CENPP: variants seen among roughly 807,000 people sequenced by gnomAD.
The protein encoded by CENPP is centromere protein P.
In CENPP, 24 loss-of-function variants were observed where a neutral mutation model predicts 35.6. The ratio of observed to expected loss-of-function variants is 0.67; its 90% CI spans 0.49 to 0.95. The LOEUF is 0.95. Ranked by LOEUF, CENPP falls within the 40% of genes least tolerant of loss-of-function variation. The probability of loss-of-function intolerance (pLI) is 0.00; values close to 1 mark genes in which losing one functional copy is unlikely to be tolerated. For synonymous variants in CENPP, 120 were observed against 125.5 expected (o/e 0.96, Z 0.29); for missense variants, 332 against 345.3 (o/e 0.96, Z 0.31).
At chr9:92,457,120 G>T in intron 5 of CENPP, 4 of 1,406,480 alleles carry the variant, frequency 2.8e-6, no homozygotes, top group Admixed American at 6.3e-5. Flanking sequence ...CAATAGTTTG[G>T]CAAAATTCCG....
chr9:92,417,003 C>T, intron 5 of CENPP: 2 of 1,614,014 alleles, frequency 1.2e-6, no homozygotes, highest in Non-Finnish European at 1.7e-6. Context: ...GTCAAGTTTA[C>T]TAGCCCATCC....
Position 92,612,583 on chromosome 9 carries a change from G to T in CENPP, c.705G>T (p.Lys235Asn). ...ATGAAGATGGGAAGGTTTTTCCAAA[G>T]CTGGATCTTCTCACCAAAGTCCCAC... ...QIDEDGKVFP[K>N]LDLLTKVPQR... The change falls in exon 7 of 8, where the codon AAG becomes AAT. Residue 235 changes from lysine (K) to asparagine (N), a missense_variant. By Grantham distance (94) the Lys-to-Asn change is moderately conservative (BLOSUM62 0). Coordinates refer to ENST00000375587, the MANE Select transcript of CENPP (RefSeq NM_001012267.3). 4 of 1,614,146 alleles carry T rather than the reference G, an allele frequency of 2.5e-6. No individual in the cohort carries two copies. The highest frequency in any genetic ancestry group is 3.4e-6 in the Non-Finnish European group (4 of 1,179,990).
At chr9:92,368,362 A>G (rs914298558) in intron 4 of CENPP, among the ~76,000 whole-genome samples, 1 of 152,236 alleles carries the variant, frequency 6.6e-6, no homozygotes, top group Non-Finnish European at 1.5e-5. Flanking sequence ...TCAAAATCTG[A>G]AACGCTTCTG....
At chr9:92,366,873 C>G (rs1211872177) in intron 4 of CENPP, among the ~76,000 whole-genome samples, 1 of 152,188 alleles carries the variant, frequency 6.6e-6, no homozygotes, top group Non-Finnish European at 1.5e-5. Context: ...CATCCATAAT[C>G]TGAAATCCAA....
intron 3 of CENPP, among the ~76,000 whole-genome samples, chr9:92,344,840 G>A (rs945594285): frequency 6.7e-6 from 1 of 149,252 alleles, no homozygotes. Context: ...GAGCCACCGC[G>A]CCCGGCCAGT....
At chr9:92,578,900 T>C (rs1204459591) in intron 5 of CENPP, among the ~76,000 whole-genome samples, 4 of 152,304 alleles carry the variant, frequency 2.6e-5, no homozygotes, top group East Asian at 3.9e-4. Context: ...AATGGTAATA[T>C]CTAGGTTTTC....
In CENPP at chr9:92,615,895, G is replaced by C. The variant is rs112162638; in HGVS notation, c.*2746G>C. ...CCTTGAACCGAGTCGACATCACGGC[G>C]TTGTCTTTGGCACGTACAGTCTTTG... On this transcript the variant is annotated 3_prime_UTR_variant, in exon 8 of 8. Coordinates refer to ENST00000375587, the MANE Select transcript of CENPP (RefSeq NM_001012267.3). 6.2e-7 allele frequency: 1 copy of C among 1,614,064 alleles called. No homozygotes were observed. The highest frequency in any genetic ancestry group is 8.5e-7 in the Non-Finnish European group (1 of 1,180,036).
chr9:92,331,990 C>T (rs1840763516), intron 1 of CENPP, among the ~76,000 whole-genome samples, 180 bp from the exon 2 acceptor site: 1 of 152,014 alleles, frequency 6.6e-6, no homozygotes, highest in Non-Finnish European at 1.5e-5. Flanking sequence ...GTGTTAGTAA[C>T]CACACTGGTT....
chr9:92,390,344 T>TCAGG (rs1842619697), intron 5 of CENPP, among the ~76,000 whole-genome samples: 1 of 152,226 alleles, frequency 6.6e-6, no homozygotes, highest in African/African-American at 2.4e-5. Flanking sequence ...CTTGGGATGG[T>TCAGG]CAGGCAGTTT....
In CENPP at chr9:92,612,631, G is replaced by A. The variant is rs1185981994; in HGVS notation, c.736+17G>A. ...CACAGCGAGGTAGGGCCCTGGGTGTGGCTGCTCTAGGTGACTTCTCAACAT... is the reference window on the plus strand; with the variant it reads ...CACAGCGAGGTAGGGCCCTGGGTGTAGCTGCTCTAGGTGACTTCTCAACAT... On this transcript the variant is annotated intron_variant, in intron 7 of 7. Transcript: ENST00000375587. 6.3e-7 allele frequency: 1 copy of A among 1,597,878 alleles called. No individual in the cohort carries two copies. The highest frequency in any genetic ancestry group is 8.6e-7 in the Non-Finnish European group (1 of 1,165,238).
At chr9:92,557,641 T>A (rs1001459171) in intron 5 of CENPP, among the ~76,000 whole-genome samples, 2 of 152,114 alleles carry the variant, frequency 1.3e-5, no homozygotes, top group African/African-American at 4.8e-5. Flanking sequence ...CATTTCGCAT[T>A]TCTTTGTTTG....
At chr9:92,527,682 C>T (rs924322413) in intron 5 of CENPP, among the ~76,000 whole-genome samples, 2 of 152,062 alleles carry the variant, frequency 1.3e-5, no homozygotes, top group Non-Finnish European at 2.9e-5. Flanking sequence ...GCCACAGTGT[C>T]TACCACCCAA....
chr9:92,526,675 A>C (rs1395376293), intron 5 of CENPP, among the ~76,000 whole-genome samples: 1 of 152,018 alleles, frequency 6.6e-6, no homozygotes, highest in African/African-American at 2.4e-5. Context: ...GACAAAGAAA[A>C]AAAAGAGGAA....
At chr9:92,489,718 T>TAC (rs141827527) in intron 5 of CENPP, among the ~76,000 whole-genome samples, 5,860 of 152,212 alleles carry the variant, frequency 0.038, 143 homozygotes, top group Middle Eastern at 0.075. Context: ...TGTTCGTGTA[T>TAC]ACCATGGTTC....
chr9:92,603,055 C>T (rs980372533), intron 5 of CENPP, among the ~76,000 whole-genome samples: 1 of 152,178 alleles, frequency 6.6e-6, no homozygotes, highest in East Asian at 1.9e-4. Context: ...TCCCAAAGTG[C>T]TGGGATTACA....
intron 5 of CENPP, among the ~76,000 whole-genome samples, chr9:92,516,072 T>TC (rs76297691): frequency 0.03 from 4,214 of 139,808 alleles, 112 homozygotes; most frequent in Middle Eastern, 0.058. Flanking sequence ...TACTTTTTTT[T>TC]CCCCCCCCCG....
Position 92,495,697 on chromosome 9 carries a change from A to G in CENPP, c.565-115617A>G, listed in dbSNP as rs573799602. On this transcript the variant is annotated intron_variant, in intron 5 of 7. Coordinates refer to ENST00000375587, the MANE Select transcript of CENPP (RefSeq NM_001012267.3). ...CTGCCAGCTTTCCTTAATGTTAACA[A>G]TGTACATAACCATAATATGATTTTC... 9 of 892,124 alleles carry G rather than the reference A, an allele frequency of 1.0e-5. No individual in the cohort carries two copies. In the East Asian group the frequency reaches 4.8e-4, roughly 47 times the overall value. 55.3% of individuals were successfully genotyped at this position (892,124 alleles called of 1,614,324 possible).
intron 5 of CENPP, among the ~76,000 whole-genome samples, chr9:92,504,451 G>A (rs986139787): frequency 2.6e-5 from 4 of 152,158 alleles, no homozygotes; most frequent in African/African-American, 9.7e-5. Flanking sequence ...AGGAGAAACG[G>A]AGCTTAGTAA....
At chr9:92,440,346 AAAATAAATAAAT>A (rs58516284) in intron 5 of CENPP, among the ~76,000 whole-genome samples, 34 of 142,546 alleles carry the variant, frequency 2.4e-4, no homozygotes, top group South Asian at 4.5e-4. Context: ...CTGATGAGTT[AAAATAAATAAAT>A]AAATAAATAA....
Sources: gnomAD v4.1 joint callset for allele counts (sites outside exome capture counted in the v4.1 genomes callset) on GRCh38, gnomAD v4.1.1 for gene constraint, MANE v1.5 for transcripts, NCBI Gene and HGNC (gene_info 2026-07-23, HGNC 2026-07-21) for gene names.